The following ILDR2 variants were observed in gnomAD, a reference collection of about 807,000 sequenced individuals.
ILDR2 encodes the protein immunoglobulin-like domain-containing receptor 2.
Under a neutral mutation model 66.8 loss-of-function variants are expected in ILDR2, and 25 were observed. The observed-to-expected ratio is 0.37, with a 90% CI of 0.27 to 0.52. The LOEUF (loss-of-function observed/expected upper bound fraction) is 0.52, where lower values mean the gene tolerates loss of function less well. Ranked by LOEUF, ILDR2 falls within the 20% of genes least tolerant of loss-of-function variation. ILDR2 has a pLI of 0.88. For synonymous variants in ILDR2, 367 were observed against 357.2 expected, an observed-to-expected ratio of 1.03 and a Z score of -0.31; for missense variants, 827 against 876.8, an observed-to-expected ratio of 0.94 and a Z score of 0.72.
chr1:166,965,569 TG>T (rs768985290), intron 1 of ILDR2, among the ~76,000 whole-genome samples: 59 of 96,046 alleles, frequency 6.1e-4, no homozygotes, highest in African/African-American at 1.9e-3. Context: ...AGTTAGGTTT[TG>T]TTTTTTTTTT....
At position 166,915,251 on chromosome 1, in the gene ILDR2, T is replaced by A. The variant is rs1184719657; in HGVS notation, c.*4104A>T. On this transcript the variant is annotated 3_prime_UTR_variant, in exon 10 of 10. Coordinates refer to ENST00000271417, the MANE Select transcript of ILDR2 (RefSeq NM_199351.3). ...GAGCCCATCCAGGTCACAGCCAGAC[T>A]TCTGAGTGACTCACCACAGCCAGCC... 1 of 152,238 alleles carries A rather than the reference T, an allele frequency of 6.6e-6. No homozygotes were observed. The highest frequency in any genetic ancestry group is 1.5e-5 in the Non-Finnish European group (1 of 68,070). The allele number at this position is 152,238 out of a possible 1,614,324, so 9.4% of individuals were successfully genotyped here.
At chr1:166,896,898 G>T (rs1036941890) in intron 2 of ILDR2, among the ~76,000 whole-genome samples, 5 of 152,110 alleles carry the variant, frequency 3.3e-5, no homozygotes, top group African/African-American at 4.8e-5. Context: ...GCCTCCCAAA[G>T]TGCTGGGATT....
chr1:166,928,975 T>G (rs1161341921), intron 6 of ILDR2, among the ~76,000 whole-genome samples: 1 of 152,256 alleles, frequency 6.6e-6, no homozygotes, highest in Non-Finnish European at 1.5e-5. Context: ...ACAAAGGCAT[T>G]TACTGAGTCG....
At position 166,914,993 on chromosome 1, in the gene ILDR2, TTGAG is replaced by T. The variant is rs1173890382; in HGVS notation, c.*4358_*4361del. On this transcript the variant is annotated 3_prime_UTR_variant, in exon 10 of 10. Coordinates refer to ENST00000271417, the MANE Select transcript of ILDR2 (RefSeq NM_199351.3). ...ATGATTTGTATGCTTTATAAAATGA[TTGAG>T]TTTTTCTATTTCCCCAATGGCATCT... 5 of 152,336 alleles carry T rather than the reference TTGAG, an allele frequency of 3.3e-5. No individual in the cohort carries two copies. The South Asian group carries it at 8.3e-4, about 25-fold the overall frequency. The allele number at this position is 152,336 out of a possible 1,614,324, so 9.4% of individuals were successfully genotyped here.
In ILDR2 at chr1:166,921,309, C is replaced by T. The variant is rs1366026657; in HGVS notation, c.1282G>A (p.Asp428Asn). 2 of 1,593,204 alleles carry T rather than the reference C, an allele frequency of 1.3e-6. No homozygotes were observed. Among genetic ancestry groups the T allele is most frequent in the Admixed American group, 3.4e-5 (2 of 59,264 alleles). Residue 428 changes from aspartate (D) to asparagine (N), a missense_variant, in exon 9 of 10, where the codon GAC becomes AAC. Asp to Asn is a conservative substitution (Grantham distance 23). This residue lies in a region of ILDR2 where 390 missense variants were observed against 353.6 expected (regional missense o/e 1.10). Transcript: ENST00000271417. This position sits in a 1 kb window ranked among gnomAD's most constrained non-coding sequence, Gnocchi z 5.3. ...GAGTCAGCGAAGGCCGCCAGCTCGT[C>T]CATGGAAACGGCCGGCACCCCCGTG... is the stretch of plus-strand genomic sequence containing the variant. ...FATGVPAVSMDELAAFADSYG... is the reference protein window; with the variant it reads ...FATGVPAVSMNELAAFADSYG...
chr1:166,907,004 C>G (rs541054360), downstream of ILDR2: 2 of 152,418 alleles, frequency 1.3e-5, no homozygotes, highest in East Asian at 1.9e-4. Context: ...CACTGCCAGA[C>G]TGCCCTCTAC....
chr1:166,955,230 T>A (rs544404009), intron 3 of ILDR2, among the ~76,000 whole-genome samples: 1 of 152,344 alleles, frequency 6.6e-6, no homozygotes, highest in East Asian at 1.9e-4. Flanking sequence ...TTACACTTTA[T>A]ATATTGGACC....
rs59003860 is a variant in ILDR2 at position 166,909,768 on chromosome 1, TAA to T, written c.*9585_*9586del. The T allele has an allele frequency of 3.5e-3, 236 of 67,544 alleles. No homozygotes were observed. The highest frequency in any genetic ancestry group is 0.011 in the African/African-American group (146 of 13,774). The allele number at this position is 67,544 out of a possible 1,614,324, so 4.2% of individuals were successfully genotyped here. A position where few individuals can be genotyped will look rare whatever the true frequency, so the allele number is the denominator to read the frequency against. ...ATATATATATATATATAAATATATA[TAA>T]ATATATATATTTATATATATATATA... On this transcript the variant is annotated 3_prime_UTR_variant, in exon 10 of 10. Transcript: ENST00000271417.
intron 4 of ILDR2, 60 bp downstream of exon 4, chr1:166,939,454 G>T: frequency 7.1e-7 from 1 of 1,404,242 alleles, no homozygotes; most frequent in Non-Finnish European, 1.0e-6. Context: ...GACTAATGCA[G>T]AAGCAAGACA....
At chr1:166,955,353 TC>T (rs1164399615) in intron 3 of ILDR2, among the ~76,000 whole-genome samples, 2 of 152,156 alleles carry the variant, frequency 1.3e-5, no homozygotes, top group Non-Finnish European at 2.9e-5. Context: ...ACACCTGTAA[TC>T]CCAGCACTTT....
rs370591100 is a variant in ILDR2, at chr1:166,927,131, C to T, written c.930G>A (p.Lys310=). The change falls in exon 7 of 10, where the codon AAG becomes AAA. Residue 310 remains lysine (K), a synonymous_variant. Transcript: ENST00000271417. ...IQADKERDSM[K]VLYYVEKELA... ...GCTCCTTCTCAACATAGTACAGGAC[C>T]TTCATGGAGTCTCTCTCTTTGTCAG... 147 of 1,613,656 alleles carry T rather than the reference C, an allele frequency of 9.1e-5. No homozygotes were observed. Among genetic ancestry groups the T allele is most frequent in the Non-Finnish European group, 1.2e-4 (139 of 1,179,858 alleles).
At chr1:166,966,028 T>C (rs916935822) in intron 1 of ILDR2, among the ~76,000 whole-genome samples, 1 of 152,154 alleles carries the variant, frequency 6.6e-6, no homozygotes, top group African/African-American at 2.4e-5. Flanking sequence ...TTGGGAAATA[T>C]TTAAAGACAA....
chr1:166,939,263 T>C (rs1371689462), intron 4 of ILDR2, among the ~76,000 whole-genome samples: 1 of 152,188 alleles, frequency 6.6e-6, no homozygotes, highest in African/African-American at 2.4e-5. Flanking sequence ...CCAAAGAGCC[T>C]GCATGCCTGA....
chr1:166,901,301 T>A (rs1026385877), intron 2 of ILDR2, among the ~76,000 whole-genome samples: 2 of 152,228 alleles, frequency 1.3e-5, no homozygotes, highest in African/African-American at 4.8e-5. Flanking sequence ...CGGATCCCCA[T>A]CAACCTTACA....
At position 166,909,762 on chromosome 1, in the gene ILDR2, T is replaced by A. The variant is rs57229873; in HGVS notation, c.*9593A>T. On this transcript the variant is annotated 3_prime_UTR_variant, in exon 10 of 10. Coordinates refer to ENST00000271417, the MANE Select transcript of ILDR2 (RefSeq NM_199351.3). ...ATATATATATATATATATATATAAA[T>A]ATATATAAATATATATATTTATATA... The A allele has an allele frequency of 1.4e-3, 94 of 65,698 alleles. 2 individuals are homozygous for A. In the South Asian group the frequency reaches 0.051, roughly 36 times the overall value. 4.1% of individuals were successfully genotyped at this position (65,698 alleles called of 1,614,324 possible).
chr1:166,956,055 G>A (rs2101976026), intron 3 of ILDR2, among the ~76,000 whole-genome samples: 1 of 152,250 alleles, frequency 6.6e-6, no homozygotes, highest in South Asian at 2.1e-4. Flanking sequence ...AGCTCCCACT[G>A]ACATTCCTCC....
chr1:166,954,708 G>A (rs114677883), intron 3 of ILDR2, among the ~76,000 whole-genome samples: 198 of 152,100 alleles, frequency 1.3e-3, no homozygotes, highest in African/African-American at 4.6e-3. Flanking sequence ...CATAATTGGC[G>A]ACTACTGTCA....
chr1:166,904,089 A>G (rs1440862131), downstream of ILDR2, among the ~76,000 whole-genome samples: 1 of 152,210 alleles, frequency 6.6e-6, no homozygotes, highest in Non-Finnish European at 1.5e-5. Context: ...AATCTTATTC[A>G]CTGCTGTAAG....
chr1:166,952,107 G>T (rs1662017043), intron 3 of ILDR2, among the ~76,000 whole-genome samples: 1 of 152,226 alleles, frequency 6.6e-6, no homozygotes, highest in African/African-American at 2.4e-5. Context: ...GCTGCTTTTA[G>T]ATTTTAAAAT....
Sources: allele counts gnomAD v4.1 joint callset (sites outside exome capture counted in the v4.1 genomes callset), GRCh38; gene constraint gnomAD v4.1.1; regional missense constraint gnomAD v4.1.1; non-coding constraint Gnocchi (gnomAD v3.1); transcripts MANE v1.5; gene names NCBI Gene and HGNC (gene_info 2026-07-23, HGNC 2026-07-21).